Variants in DENND4C observed in about 807,000 individuals in gnomAD.
DENND4C encodes the protein DENN domain containing 4C, also known as DENN domain-containing protein 4C.
In DENND4C, 108 loss-of-function variants were observed where a neutral mutation model predicts 203.0. The ratio of observed to expected loss-of-function variants is 0.53; its 90% CI spans 0.46 to 0.62. DENND4C has a LOEUF of 0.62. Among genes scored for constraint, DENND4C ranks in the 20% least tolerant of loss-of-function variants. The pLI is 0.00. For missense variants in DENND4C, 2,481 were observed against 2,301.2 expected, an observed-to-expected ratio of 1.08 and a Z score of -1.60; for synonymous variants, 871 against 792.4, an observed-to-expected ratio of 1.10 and a Z score of -1.67.
intron 30 of DENND4C, among the ~76,000 whole-genome samples, chr9:19,364,149 C>G (rs931044161): frequency 2.0e-5 from 3 of 151,984 alleles, no homozygotes; most frequent in Non-Finnish European, 4.4e-5. Context: ...CACCAGTGTA[C>G]TCCAGCCTGG....
intron 22 of DENND4C, among the ~76,000 whole-genome samples, chr9:19,344,614 G>A (rs1398566297): frequency 1.3e-5 from 2 of 152,136 alleles, no homozygotes; most frequent in South Asian, 2.1e-4. Context: ...GGATTCTCCC[G>A]CCTCAGACCC....
At chr9:19,307,444 T>TTATACAA (rs1219901209) in intron 10 of DENND4C, among the ~76,000 whole-genome samples, 4 of 141,078 alleles carry the variant, frequency 2.8e-5, no homozygotes, top group African/African-American at 1.0e-4. Context: ...TACAGAATAA[T>TTATACAA]GTAAATAACT....
rs147711268 is a variant in DENND4C at position 19,266,444 on chromosome 9, G to C, written c.-17-9714G>C. 7.0e-4 allele frequency among the ~76,000 whole-genome samples: 106 copies of C among 152,186 alleles called. 3 individuals carry two copies. In the East Asian group the frequency reaches 0.018, roughly 26 times the overall value. On this transcript the variant is annotated intron_variant, in intron 1 of 32. Coordinates refer to ENST00000434457, the MANE Select transcript of DENND4C (RefSeq NM_001330640.2). ...TCTGATGGTAGTTTCTTTTGCTATG[G>C]AGAAGCTCTTTAGTTGAATTAGATC... is the stretch of plus-strand genomic sequence containing the variant.
intron 20 of DENND4C, among the ~76,000 whole-genome samples, chr9:19,339,564 C>T (rs73418005): frequency 0.015 from 2,344 of 152,226 alleles, 57 homozygotes; most frequent in African/African-American, 0.054. Context: ...TGACCTTCAT[C>T]GGTGATATTA....
At chr9:19,285,149 C>T (rs549443835) in intron 2 of DENND4C, among the ~76,000 whole-genome samples, 2 of 152,178 alleles carry the variant, frequency 1.3e-5, no homozygotes, top group East Asian at 3.9e-4. Flanking sequence ...ATCCATTCTT[C>T]CCTTAGTATA....
chr9:19,278,107 G>C (rs573897501), intron 2 of DENND4C, among the ~76,000 whole-genome samples: 6 of 138,458 alleles, frequency 4.3e-5, no homozygotes, highest in Admixed American at 3.7e-4. Context: ...TTGGTTGCTG[G>C]TTGTTCTCTT....
At chr9:19,279,650 C>G (rs571080452) in intron 2 of DENND4C, among the ~76,000 whole-genome samples, 26 of 150,344 alleles carry the variant, frequency 1.7e-4, no homozygotes, top group Admixed American at 8.7e-4. Context: ...GGGCTCCAGT[C>G]TGGGCAACAG....
rs745976286 is a variant in DENND4C, at chr9:19,300,162, C to G, written c.1167-25C>G. On this transcript the variant is annotated intron_variant, in intron 8 of 32. Coordinates refer to ENST00000434457, the MANE Select transcript of DENND4C (RefSeq NM_001330640.2). ...TTTCAGCAAAATAGTTCACAATGAT[C>G]TACTTTTCTCTTTTTTTTCCCTAGT... 2.5e-6 allele frequency: 4 copies of G among 1,575,788 alleles called. No homozygotes were observed. In the South Asian group the frequency reaches 3.5e-5, roughly 14 times the overall value.
intron 1 of DENND4C, among the ~76,000 whole-genome samples, chr9:19,275,344 G>C (rs1832682095): frequency 7.0e-6 from 1 of 143,622 alleles, no homozygotes; most frequent in African/African-American, 2.6e-5. Context: ...CCAGGCTGGA[G>C]TGCAGTGGCG....
chr9:19,267,393 A>C (rs957372208), intron 1 of DENND4C, among the ~76,000 whole-genome samples: 1 of 152,100 alleles, frequency 6.6e-6, no homozygotes, highest in Non-Finnish European at 1.5e-5. Context: ...TTTATCTTAA[A>C]ATCTGTTTTA....
chr9:19,326,142 A>G lies in DENND4C; in HGVS notation c.2068A>G (p.Met690Val). Residue 690 changes from methionine (M) to valine (V), a missense_variant, in exon 15 of 33, where the codon ATG (methionine) becomes GTG (valine). Physicochemically the swap from Met to Val is conservative, Grantham distance 21 (BLOSUM62 1). Transcript: ENST00000434457. ...SQKSEHTVFIMPPEPPPDDGK... is the reference protein window; with the variant it reads ...SQKSEHTVFIVPPEPPPDDGK... ...GAAAAGTGAGCATACTGTATTTATA[A>G]TGCCGCCAGAGCCACCTCCTGATGA... 6.2e-7 allele frequency: 1 copy of G among 1,613,520 alleles called. No individual in the cohort carries two copies. The highest frequency in any genetic ancestry group is 8.5e-7 in the Non-Finnish European group (1 of 1,179,722).
rs1435827856 is a variant in DENND4C at position 19,326,150 on chromosome 9, A to C, written c.2076A>C (p.Pro692=). 5.0e-6 allele frequency: 8 copies of C among 1,613,504 alleles called. 1 individual carries two copies. The South Asian group carries it at 8.8e-5, about 18-fold the overall frequency. Residue 692 remains proline (P), a synonymous_variant, in exon 15 of 33, where the codon CCA becomes CCC. Coordinates refer to ENST00000434457, the MANE Select transcript of DENND4C (RefSeq NM_001330640.2). ...KSEHTVFIMP[P]EPPPDDGKDL... is the part of the protein sequence containing the mutation. The stretch of plus-strand genomic sequence containing the variant: ...AGCATACTGTATTTATAATGCCGCC[A>C]GAGCCACCTCCTGATGATGGAAAGG...
chr9:19,257,323 T>C (rs1588759354), intron 1 of DENND4C, among the ~76,000 whole-genome samples: 1 of 141,176 alleles, frequency 7.1e-6, no homozygotes, highest in African/African-American at 2.7e-5. Flanking sequence ...ATCACTACAC[T>C]CCAGCCTAGG....
chr9:19,338,399 A>G (rs1280504764), intron 20 of DENND4C, among the ~76,000 whole-genome samples: 1 of 152,190 alleles, frequency 6.6e-6, no homozygotes, highest in African/African-American at 2.4e-5. Context: ...CTTTAATGGA[A>G]ATACCAATCT....
At chr9:19,311,313 A>G (rs991923514) in intron 10 of DENND4C, among the ~76,000 whole-genome samples, 10 of 152,096 alleles carry the variant, frequency 6.6e-5, no homozygotes, top group Non-Finnish European at 2.9e-5. Context: ...TTTAGTAGAG[A>G]CAGGATTTCA....
chr9:19,336,120 G>A, intron 18 of DENND4C, 150 bp from the exon 19 acceptor site: 1 of 600,080 alleles, frequency 1.7e-6, no homozygotes, highest in Non-Finnish European at 2.6e-6. Context: ...GTTTAGTAAT[G>A]TTTAGCATTT....
chr9:19,233,962 C>G (rs1821231405), intron 1 of DENND4C, among the ~76,000 whole-genome samples: 1 of 152,150 alleles, frequency 6.6e-6, no homozygotes, highest in Non-Finnish European at 1.5e-5. Flanking sequence ...TCTCCCCTAT[C>G]TAACACTTAT....
intron 28 of DENND4C, among the ~76,000 whole-genome samples, chr9:19,359,702 C>T (rs1320454587): frequency 2.0e-5 from 3 of 152,056 alleles, no homozygotes; most frequent in Non-Finnish European, 4.4e-5. Flanking sequence ...ACATTTTATC[C>T]TGATTATAAT....
intron 10 of DENND4C, among the ~76,000 whole-genome samples, chr9:19,312,309 G>T (rs1009366984): frequency 2.6e-5 from 4 of 152,028 alleles, no homozygotes; most frequent in African/African-American, 9.7e-5. Flanking sequence ...CACCATGTTG[G>T]CCAGGCTGGT....
Sources: allele counts gnomAD v4.1 joint callset (sites outside exome capture counted in the v4.1 genomes callset), GRCh38; gene constraint gnomAD v4.1.1; transcripts MANE v1.5; gene names NCBI Gene and HGNC (gene_info 2026-07-23, HGNC 2026-07-21).